The following ACER1 variants were observed in gnomAD, a reference collection of about 807,000 sequenced individuals.
ACER1 encodes alkaline ceramidase 1.
In ACER1, 28 loss-of-function variants were observed where a neutral mutation model predicts 24.9. That is an observed-to-expected ratio of 1.13 (90% CI 0.83 to 1.54). ACER1 has a LOEUF of 1.54. Among genes scored for constraint, ACER1 ranks in the 40% most tolerant of loss-of-function variants. ACER1 has a pLI of 0.00. For missense variants in ACER1, 352 were observed against 349.3 expected (o/e 1.01, Z -0.06); for synonymous variants, 132 against 131.4 (o/e 1.00, Z -0.03).
chr19:6,330,517 C>A lies in ACER1; in HGVS notation c.93+2942G>T, dbSNP rs562881608. 2.7e-5 allele frequency among the ~76,000 whole-genome samples: 4 copies of A among 150,088 alleles called. No homozygotes were observed. In the South Asian group the frequency reaches 8.3e-4, roughly 31 times the overall value. ...GTAGGGACTGGGTCTTGCTATGTTG[C>A]TTAGGCTGGTCTTGAACTTCTGGCC... On this transcript the variant is annotated intron_variant, in intron 1 of 5. Coordinates refer to ENST00000301452, the MANE Select transcript of ACER1 (RefSeq NM_133492.3).
In ACER1 at chr19:6,306,844, AC is replaced by A; in HGVS notation, c.664del (p.Val222SerfsTer64). 1 of 1,614,108 alleles carries A rather than the reference AC, an allele frequency of 6.2e-7. No individual in the cohort carries two copies. Among genetic ancestry groups the A allele is most frequent in the Non-Finnish European group, 8.5e-7 (1 of 1,179,992 alleles). ...LISITFPYGM[V>X]TMALVDANYE... ...GTTGGCATCCACCAAGGCCATGGTGACCATGCCATAAGGGAAGGTGATGCTG... is the reference window on the plus strand; with the variant it reads ...GTTGGCATCCACCAAGGCCATGGTGACATGCCATAAGGGAAGGTGATGCTG... On this transcript the variant is annotated frameshift_variant, in exon 6 of 6. Coordinates refer to ENST00000301452, the MANE Select transcript of ACER1 (RefSeq NM_133492.3). LOFTEE classifies it high-confidence loss of function.
At chr19:6,357,593 G>A in the ACER1 span, among the ~76,000 whole-genome samples, 1 of 151,896 alleles carries the variant, frequency 6.6e-6, no homozygotes, top group African/African-American at 2.4e-5. Context: ...CCAACATGGT[G>A]AAACCCCATC....
chr19:6,310,555 G>A (rs1186335829), intron 3 of ACER1, among the ~76,000 whole-genome samples: 2 of 151,786 alleles, frequency 1.3e-5, no homozygotes, highest in East Asian at 1.9e-4. Context: ...GGGTGACAGA[G>A]GGAGATTCTG....
At chr19:6,358,137 C>T in the ACER1 span, among the ~76,000 whole-genome samples, 5 of 152,258 alleles carry the variant, frequency 3.3e-5, no homozygotes, top group East Asian at 1.9e-4. Context: ...CCGGGCAGGG[C>T]CACCCACCTG....
the ACER1 span, among the ~76,000 whole-genome samples, chr19:6,347,109 A>AAAAAAAAAATATATATATATAT: frequency 8.8e-6 from 1 of 113,820 alleles, no homozygotes; most frequent in African/African-American, 5.1e-5. Flanking sequence ...AAAAAAAAAA[A>AAAAAAAAAATATATATATATAT]ATATATATAT....
chr19:6,333,577 G>A lies in ACER1; in HGVS notation c.-26C>T, dbSNP rs779313685. The A allele has an allele frequency of 2.0e-5, 31 of 1,547,338 alleles. No individual in the cohort carries two copies. Among genetic ancestry groups the A allele is most frequent in the East Asian group, 4.8e-5 (2 of 41,554 alleles). ...CTTGTCTCAGTGGCCACCACCAGCC[G>A]GCTGCGCCCGGCAGAGAGAAGGCGA... On this transcript the variant is annotated 5_prime_UTR_variant, in exon 1 of 6. Transcript: ENST00000301452.
At position 6,309,758 on chromosome 19, in the gene ACER1, C is replaced by T. The variant is rs777382846; in HGVS notation, c.427G>A (p.Ala143Thr). Residue 143 changes from alanine (A) to threonine (T), a missense_variant, in exon 4 of 6, where the codon GCC becomes ACC. Ala to Thr is a moderately conservative substitution (Grantham distance 58, BLOSUM62 0). Transcript: ENST00000301452. ...AGGGCAATGCTGTTGAGGGCGTAGG[C>T]GTTGACCGTGGGCCGCAGGAAGGAC... is the stretch of plus-strand genomic sequence containing the variant. The part of the protein sequence containing the change: ...LLSFLRPTVN[A>T]YALNSIALHI... The T allele has an allele frequency of 1.4e-5, 23 of 1,613,952 alleles. No individual in the cohort carries two copies. Among genetic ancestry groups the T allele is most frequent in the Non-Finnish European group, 1.9e-5 (22 of 1,180,004 alleles).
chr19:6,335,503 G>C (rs1048627099), upstream of ACER1, among the ~76,000 whole-genome samples: 1 of 151,906 alleles, frequency 6.6e-6, no homozygotes, highest in Non-Finnish European at 1.5e-5. Flanking sequence ...GATTACAGGC[G>C]TGAGCCACTG....
the ACER1 span, among the ~76,000 whole-genome samples, chr19:6,350,605 A>C: frequency 8.0e-6 from 1 of 124,326 alleles, no homozygotes; most frequent in East Asian, 2.8e-4. Context: ...AAAGGAAGGA[A>C]GGAGGGAGGG....
intron 1 of ACER1, among the ~76,000 whole-genome samples, chr19:6,331,313 C>T (rs1245460044): frequency 6.7e-6 from 1 of 148,210 alleles, no homozygotes; most frequent in Non-Finnish European, 1.5e-5. Flanking sequence ...CCATGCCTGG[C>T]TAATTTTTTG....
chr19:6,331,493 A>AG, intron 1 of ACER1, among the ~76,000 whole-genome samples: 3 of 134,430 alleles, frequency 2.2e-5, no homozygotes, highest in African/African-American at 9.9e-5. Context: ...TGTGCAGGGC[A>AG]TAGAACTAAG....
upstream of ACER1, among the ~76,000 whole-genome samples, chr19:6,335,094 TAATATTTTA>T (rs1243884642): frequency 2.7e-5 from 4 of 146,406 alleles, no homozygotes; most frequent in Non-Finnish European, 6.0e-5. Context: ...TATTGTTATA[TAATATTTTA>T]AATATTTTAG....
the ACER1 span, among the ~76,000 whole-genome samples, chr19:6,346,564 T>C: frequency 6.7e-6 from 1 of 149,234 alleles, no homozygotes; most frequent in Non-Finnish European, 1.5e-5. Context: ...TCACCCAGGC[T>C]GGAGTGCAGT....
At chr19:6,338,090 A>C (rs1382053263), upstream of ACER1, among the ~76,000 whole-genome samples, 1 of 151,958 alleles carries the variant, frequency 6.6e-6, no homozygotes, top group Non-Finnish European at 1.5e-5. Flanking sequence ...TCAAAAAAAA[A>C]TAGTTAATTA....
chr19:6,339,856 G>A, the ACER1 span, among the ~76,000 whole-genome samples: 2 of 151,884 alleles, frequency 1.3e-5, no homozygotes, highest in South Asian at 2.1e-4. Context: ...TAGTAGAGAC[G>A]GGGTTTCACC....
At chr19:6,323,368 C>T (rs113738759) in intron 1 of ACER1, among the ~76,000 whole-genome samples, 33,270 of 150,154 alleles carry the variant, frequency 0.22, 4,436 homozygotes, top group Non-Finnish European at 0.3. Flanking sequence ...CTGCAGTGAG[C>T]AGAGATCACG....
At chr19:6,314,146 G>A (rs2091593222) in intron 1 of ACER1, among the ~76,000 whole-genome samples, 1 of 150,758 alleles carries the variant, frequency 6.6e-6, no homozygotes, top group South Asian at 2.1e-4. Flanking sequence ...TATATAATAT[G>A]TGAATATATA....
chr19:6,340,059 TGA>T, the ACER1 span, among the ~76,000 whole-genome samples: 1 of 151,072 alleles, frequency 6.6e-6, no homozygotes, highest in Non-Finnish European at 1.5e-5. Context: ...GTGGATCACT[TGA>T]GGTCAGGGTT....
In ACER1 at chr19:6,328,062, T is replaced by G. The variant is rs551827977; in HGVS notation, c.93+5397A>C. On this transcript the variant is annotated intron_variant, in intron 1 of 5. Coordinates refer to ENST00000301452, the MANE Select transcript of ACER1 (RefSeq NM_133492.3). ...CTGCACTCCAGCCTGGGCGACAGAG[T>G]GAGACTCCATCTCAAAAAAAAAAAA... 7.6e-5 allele frequency among the ~76,000 whole-genome samples: 11 copies of G among 145,632 alleles called. No homozygotes were observed. In the Admixed American group the frequency reaches 7.6e-4, roughly 10 times the overall value.
Sources: allele counts gnomAD v4.1 joint callset (sites outside exome capture counted in the v4.1 genomes callset), GRCh38; gene constraint gnomAD v4.1.1; transcripts MANE v1.5; gene names NCBI Gene and HGNC (gene_info 2026-07-23, HGNC 2026-07-21).